Variants in NCS1 observed in about 807,000 individuals in gnomAD.
The protein encoded by NCS1 is frequenin homolog.
In NCS1, 6 loss-of-function variants were observed where a neutral mutation model predicts 28.4. The ratio of observed to expected loss-of-function variants is 0.21; its 90% CI spans 0.12 to 0.42. The LOEUF (loss-of-function observed/expected upper bound fraction) is 0.42, where lower values mean the gene tolerates loss of function less well. Ranked by LOEUF, NCS1 falls within the 10% of genes least tolerant of loss-of-function variation. The probability of loss-of-function intolerance (pLI) is 1.00; values close to 1 mark genes in which losing one functional copy is unlikely to be tolerated. For synonymous variants in NCS1, 86 were observed against 99.3 expected (o/e 0.87, Z 0.79); for missense variants, 131 against 241.4 (o/e 0.54, Z 3.03).
At chr9:130,214,294 G>T (rs933563951) in intron 2 of NCS1, among the ~76,000 whole-genome samples, 1 of 152,196 alleles carries the variant, frequency 6.6e-6, no homozygotes, top group African/African-American at 2.4e-5. Context: ...GGGAGAGTGG[G>T]TGGGCCCATG....
chr9:130,200,659 A>G (rs1588115426), intron 1 of NCS1: 1 of 1,551,718 alleles, frequency 6.4e-7, no homozygotes, highest in Non-Finnish European at 8.7e-7. Flanking sequence ...GGAGAAGCAA[A>G]CCCTTGAGTG....
chr9:130,193,179 T>C (rs1554906431), intron 1 of NCS1, among the ~76,000 whole-genome samples: 1 of 152,138 alleles, frequency 6.6e-6, no homozygotes, highest in Non-Finnish European at 1.5e-5. Context: ...AGCACCCTAT[T>C]CTCAGGAGAT....
chr9:130,201,836 C>T (rs754670551), intron 2 of NCS1, among the ~76,000 whole-genome samples: 1 of 152,156 alleles, frequency 6.6e-6, no homozygotes, highest in South Asian at 2.1e-4. Context: ...ATTGAGTTTC[C>T]GCCCTCACTT....
chr9:130,180,063 T>A lies in NCS1; in HGVS notation c.64+7336T>A, dbSNP rs1554905025. On this transcript the variant is annotated intron_variant, in intron 1 of 7. Coordinates refer to ENST00000372398, the MANE Select transcript of NCS1 (RefSeq NM_014286.4). This position sits in a 1 kb window ranked among gnomAD's most constrained non-coding sequence, Gnocchi z 4.5. ...TCTATCTATCTATCGAGATGGAATC[T>A]CACTTCCGTCACCCAGGCTAGAGTG... Among the ~76,000 whole-genome samples, 1 of 151,872 alleles carries A rather than the reference T, an allele frequency of 6.6e-6. No individual in the cohort carries two copies. The highest frequency in any genetic ancestry group is 2.4e-5 in the African/African-American group (1 of 41,296).
chr9:130,222,821 A>G, intron 5 of NCS1, 83 bp downstream of exon 5: 2 of 1,434,236 alleles, frequency 1.4e-6, no homozygotes, highest in South Asian at 2.3e-5. Context: ...GCACTTGTGC[A>G]GCCATGCTCC....
chr9:130,217,803 C>T (rs782675842), intron 2 of NCS1, 29 bp from the exon 3 acceptor site: 5 of 1,613,972 alleles, frequency 3.1e-6, no homozygotes, highest in Admixed American at 3.3e-5. Flanking sequence ...GTCTCCTTTA[C>T]CCTCTCTGGC....
At chr9:130,231,744 G>T (rs1831779331) in intron 7 of NCS1, among the ~76,000 whole-genome samples, 1 of 151,854 alleles carries the variant, frequency 6.6e-6, no homozygotes, top group Non-Finnish European at 1.5e-5. Context: ...GGGTCATATG[G>T]TTAACTCTAT....
chr9:130,200,552 C>T, intron 1 of NCS1: 2 of 1,551,474 alleles, frequency 1.3e-6, no homozygotes, highest in Non-Finnish European at 1.7e-6. Flanking sequence ...CAGCCGAGTG[C>T]CTGGGGAAGC....
At chr9:130,228,164 A>G (rs1000192258) in intron 7 of NCS1, among the ~76,000 whole-genome samples, 1 of 151,762 alleles carries the variant, frequency 6.6e-6, no homozygotes. Flanking sequence ...CTTGGAAGTG[A>G]TATCCATCAC....
chr9:130,206,399 CTTTCTTT>C (rs1311196036), intron 2 of NCS1, among the ~76,000 whole-genome samples: 2 of 115,046 alleles, frequency 1.7e-5, no homozygotes, highest in African/African-American at 6.6e-5. Context: ...TCTTTTCTTT[CTTTCTTT>C]TTTTTTTTTT....
intron 6 of NCS1, among the ~76,000 whole-genome samples, chr9:130,225,737 A>G (rs10116435): frequency 0.039 from 5,924 of 152,328 alleles, 361 homozygotes; most frequent in African/African-American, 0.13. Flanking sequence ...ATCCCTGAGC[A>G]CAGCTCGGTT....
At chr9:130,201,705 C>A (rs1564707853) in intron 2 of NCS1, among the ~76,000 whole-genome samples, 1 of 152,164 alleles carries the variant, frequency 6.6e-6, no homozygotes, top group African/African-American at 2.4e-5. Context: ...GGGCACCCCC[C>A]AGGAGCCTCC....
At chr9:130,184,586 C>A (rs150323475) in intron 1 of NCS1, among the ~76,000 whole-genome samples, 3 of 152,134 alleles carry the variant, frequency 2.0e-5, no homozygotes, top group Admixed American at 6.6e-5. Context: ...AGCCATGCAG[C>A]GTGCTAGGGC....
rs1833249534 is a variant in NCS1, at chr9:130,219,811, C to T, written c.307+8C>T. 1 of 1,614,120 alleles carries T rather than the reference C, an allele frequency of 6.2e-7. No individual in the cohort carries two copies. The highest frequency in any genetic ancestry group is 1.1e-5 in the South Asian group (1 of 91,082). ...TGGATGAGAAGCTACGGTGTAAGTC[C>T]TGCCCCCTTGGCCCTGTGTGGCAGC... On this transcript the variant is annotated splice_region_variant and intron_variant, in intron 4 of 7. Transcript: ENST00000372398. This position sits in a 1 kb window ranked among gnomAD's most constrained non-coding sequence, Gnocchi z 5.7.
chr9:130,183,630 C>A (rs2131119562), intron 1 of NCS1, among the ~76,000 whole-genome samples: 1 of 152,012 alleles, frequency 6.6e-6, no homozygotes, highest in Non-Finnish European at 1.5e-5. Flanking sequence ...TGGAAAGTGG[C>A]CTCTTTATCT....
rs1323849547 is a variant in NCS1, at chr9:130,232,650, G to C, written c.*18-340G>C. Among the ~76,000 whole-genome samples, 1 of 152,136 alleles carries C rather than the reference G, an allele frequency of 6.6e-6. No homozygotes were observed. The highest frequency in any genetic ancestry group is 1.5e-5 in the Non-Finnish European group (1 of 68,024). ...TGCAAAAAGAAATTAGCCAGGCATG[G>C]TGGCGGGCGCCTGTAATCCCAGCTA... is the stretch of plus-strand genomic sequence containing the variant. On this transcript the variant is annotated intron_variant, in intron 7 of 7. Transcript: ENST00000372398. This position sits in a 1 kb window ranked among gnomAD's most constrained non-coding sequence, Gnocchi z 4.4.
rs1833245882 is a variant in NCS1, at chr9:130,219,631, G to A, written c.229-94G>A. On this transcript the variant is annotated intron_variant, in intron 3 of 7. Coordinates refer to ENST00000372398, the MANE Select transcript of NCS1 (RefSeq NM_014286.4). This position sits in a 1 kb window ranked among gnomAD's most constrained non-coding sequence, Gnocchi z 5.7. ...GAGTGTCCATTGGCCACAGTGTCTGGAGCCTGCGACTGCCCCTCGCCCGTC... is the reference window on the plus strand; with the variant it reads ...GAGTGTCCATTGGCCACAGTGTCTGAAGCCTGCGACTGCCCCTCGCCCGTC... 1.5e-5 allele frequency: 17 copies of A among 1,150,406 alleles called. 1 individual carries two copies. In the South Asian group the frequency reaches 1.7e-4, roughly 11 times the overall value. 71.3% of individuals were successfully genotyped at this position (1,150,406 alleles called of 1,614,324 possible).
At chr9:130,185,046 A>G (rs1000715554) in intron 1 of NCS1, among the ~76,000 whole-genome samples, 59 of 150,940 alleles carry the variant, frequency 3.9e-4, no homozygotes, top group African/African-American at 1.1e-3. Flanking sequence ...GCACCTATTC[A>G]TCGGACCCAG....
intron 1 of NCS1, among the ~76,000 whole-genome samples, chr9:130,173,103 G>A (rs544684532): frequency 1.3e-5 from 2 of 152,210 alleles, no homozygotes; most frequent in South Asian, 4.1e-4. Flanking sequence ...GAGCCGACTG[G>A]CACGAGCGCG....
Sources: gnomAD v4.1 joint callset for allele counts (sites outside exome capture counted in the v4.1 genomes callset) on GRCh38, gnomAD v4.1.1 for gene constraint, Gnocchi (gnomAD v3.1) non-coding constraint, MANE v1.5 for transcripts, NCBI Gene and HGNC (gene_info 2026-07-23, HGNC 2026-07-21) for gene names.